Variants in NUP214 observed in about 807,000 individuals in gnomAD.
NUP214 encodes nuclear pore complex protein Nup214.
Under a neutral mutation model 196.2 loss-of-function variants are expected in NUP214, and 79 were observed. The ratio of observed to expected loss-of-function variants is 0.40; its 90% CI spans 0.34 to 0.49. The LOEUF (loss-of-function observed/expected upper bound fraction) is 0.49. Ranked by LOEUF, NUP214 falls within the 20% of genes least tolerant of loss-of-function variation. NUP214 has a pLI of 0.58. For missense variants in NUP214, 2,468 were observed against 2,539.0 expected, an observed-to-expected ratio of 0.97 and a Z score of 0.60; for synonymous variants, 1,020 against 990.5, an observed-to-expected ratio of 1.03 and a Z score of -0.56.
intron 31 of NUP214, among the ~76,000 whole-genome samples, chr9:131,219,361 A>G (rs185111220): frequency 9.8e-5 from 15 of 152,310 alleles, no homozygotes; most frequent in Admixed American, 9.8e-4. Flanking sequence ...ATGCATGGAA[A>G]AGACCCCATT....
chr9:131,180,716 C>T (rs1296733777), intron 24 of NUP214, among the ~76,000 whole-genome samples: 1 of 152,174 alleles, frequency 6.6e-6, no homozygotes, highest in African/African-American at 2.4e-5. Context: ...ACAGCGTCTG[C>T]TGTGAGCATG....
intron 22 of NUP214, among the ~76,000 whole-genome samples, chr9:131,174,901 T>C (rs1379212243): frequency 6.6e-6 from 1 of 152,260 alleles, no homozygotes; most frequent in Non-Finnish European, 1.5e-5. Flanking sequence ...CTGAGCCAGC[T>C]TGTTTTTTAA....
rs1371123306 is a variant in NUP214 at position 131,136,134 on chromosome 9, A to G, written c.1005+128A>G. The stretch of plus-strand genomic sequence containing the variant: ...CAGCTTACTGCAACCTCTGCCTTCC[A>G]AGTTCAAGCAATTTTGTGCCTCAGC... On this transcript the variant is annotated intron_variant, in intron 9 of 35. Transcript: ENST00000359428. 4 of 701,312 alleles carry G rather than the reference A, an allele frequency of 5.7e-6. No individual in the cohort carries two copies. The East Asian group carries it at 8.5e-5, about 15-fold the overall frequency. 43.4% of individuals were successfully genotyped at this position (701,312 alleles called of 1,614,324 possible).
intron 17 of NUP214, among the ~76,000 whole-genome samples, chr9:131,156,443 G>C (rs1158806009): frequency 1.3e-5 from 2 of 152,076 alleles, no homozygotes; most frequent in East Asian, 3.9e-4. Context: ...AGCATGGGAT[G>C]TATTTCTATT....
At chr9:131,219,339 T>C (rs1377313683) in intron 31 of NUP214, among the ~76,000 whole-genome samples, 1 of 152,256 alleles carries the variant, frequency 6.6e-6, no homozygotes, top group Non-Finnish European at 1.5e-5. Context: ...TACGCCTTTT[T>C]GGGCAACATT....
At position 131,125,693 on chromosome 9, in the gene NUP214, G is replaced by A; in HGVS notation, c.-12G>A. On this transcript the variant is annotated 5_prime_UTR_variant, in exon 1 of 36. Coordinates refer to ENST00000359428, the MANE Select transcript of NUP214 (RefSeq NM_005085.4). The surrounding 1 kb of genome is among the most constrained non-coding windows in gnomAD (Gnocchi z 4.1). ...GCAGCGTTGGCTGCTTCGACACACT[G>A]AGGGCGGCGCGATGGGAGACGAGAT... The A allele has an allele frequency of 1.3e-6, 2 of 1,551,400 alleles. No individual in the cohort carries two copies. The highest frequency in any genetic ancestry group is 2.5e-5 in the East Asian group (1 of 40,754).
chr9:131,175,324 G>C (rs528682627), intron 22 of NUP214, 136 bp from the exon 23 acceptor site: 4 of 1,009,962 alleles, frequency 4.0e-6, no homozygotes, highest in Non-Finnish European at 5.8e-6. Context: ...CAGCCTGTTA[G>C]TTTACTGGTA....
At chr9:131,209,058 A>G (rs1275010719) in intron 30 of NUP214, among the ~76,000 whole-genome samples, 1 of 152,008 alleles carries the variant, frequency 6.6e-6, no homozygotes, top group Non-Finnish European at 1.5e-5. Flanking sequence ...TTCATGCTAC[A>G]TATAGATAAA....
intron 29 of NUP214, among the ~76,000 whole-genome samples, chr9:131,200,746 C>T (rs970452911): frequency 1.3e-5 from 2 of 151,922 alleles, no homozygotes; most frequent in South Asian, 2.1e-4. Flanking sequence ...AGAACTCCTG[C>T]CTTCTCACTC....
At chr9:131,223,830 G>A (rs1834649677) in intron 32 of NUP214, among the ~76,000 whole-genome samples, 1 of 145,002 alleles carries the variant, frequency 6.9e-6, no homozygotes, top group African/African-American at 2.6e-5. Flanking sequence ...TGCCTCCTGG[G>A]TTCACGCCAT....
intron 34 of NUP214, 86 bp downstream of exon 34, chr9:131,230,855 C>G (rs1403136370): frequency 1.4e-6 from 2 of 1,452,742 alleles, no homozygotes; most frequent in Non-Finnish European, 1.9e-6. Flanking sequence ...TTTACCTGAC[C>G]AGTCTGTTTA....
intron 17 of NUP214, among the ~76,000 whole-genome samples, chr9:131,153,672 A>G (rs1170720651): frequency 6.6e-6 from 1 of 152,212 alleles, no homozygotes; most frequent in South Asian, 2.1e-4. Context: ...ACTAGTTAGC[A>G]TGTATTGAGT....
Position 131,197,451 on chromosome 9 carries a change from G to A in NUP214, c.3957G>A (p.Glu1319=). ...AAACCCCACCGTCCAAGCTGGGAGA[G>A]CTTCTGTTTCCAAGTTCTTTGGCTG... The part of the protein sequence containing the change: ...KLETPPSKLG[E]LLFPSSLAGE... Residue 1319 remains glutamate, a synonymous_variant, in exon 29 of 36, where the codon GAG becomes GAA. Coordinates refer to ENST00000359428, the MANE Select transcript of NUP214 (RefSeq NM_005085.4). The A allele has an allele frequency of 6.2e-7, 1 of 1,614,186 alleles. No homozygotes were observed. Among genetic ancestry groups the A allele is most frequent in the Non-Finnish European group, 8.5e-7 (1 of 1,180,030 alleles).
chr9:131,165,971 T>C (rs1044123097), intron 21 of NUP214, among the ~76,000 whole-genome samples: 7 of 151,332 alleles, frequency 4.6e-5, no homozygotes, highest in African/African-American at 1.7e-4. Context: ...TCATGGGGAG[T>C]TATTATTTAA....
At chr9:131,181,514 T>C (rs1833277673) in intron 24 of NUP214, among the ~76,000 whole-genome samples, 1 of 152,244 alleles carries the variant, frequency 6.6e-6, no homozygotes, top group Non-Finnish European at 1.5e-5. Flanking sequence ...TTTTTGGTTA[T>C]AGTCATCCTA....
At chr9:131,167,792 A>G (rs144420728) in intron 21 of NUP214, among the ~76,000 whole-genome samples, 70 of 152,282 alleles carry the variant, frequency 4.6e-4, no homozygotes, top group East Asian at 1.7e-3. Flanking sequence ...GTTTTTATCA[A>G]TTCTGGAGAC....
At position 131,197,904 on chromosome 9, in the gene NUP214, A is replaced by C. The variant is rs541069703; in HGVS notation, c.4410A>C (p.Thr1470=). The change falls in exon 29 of 36, where the codon ACA becomes ACC. Residue 1470 remains threonine, a synonymous_variant. Coordinates refer to ENST00000359428, the MANE Select transcript of NUP214 (RefSeq NM_005085.4). Reference sequence around the variant, plus strand: ...CTCCCCTTCCAACATCATTCCCCACATTGTCATTTGGTAGCCTCCTGAGTT... The same window carrying C: ...CTCCCCTTCCAACATCATTCCCCACCTTGTCATTTGGTAGCCTCCTGAGTT... ...AATPLPTSFP[T]LSFGSLLSSA... 1 of 1,613,650 alleles carries C rather than the reference A, an allele frequency of 6.2e-7. No homozygotes were observed. The highest frequency in any genetic ancestry group is 1.3e-5 in the African/African-American group (1 of 74,896).
intron 32 of NUP214, among the ~76,000 whole-genome samples, chr9:131,224,135 A>T (rs1418133739): frequency 6.6e-6 from 1 of 152,200 alleles, no homozygotes. Context: ...CATGTAACCA[A>T]GGAAAAGGAA....
At chr9:131,151,594 A>ATG in intron 16 of NUP214, 142 bp from the exon 17 acceptor site, 1 of 582,848 alleles carries the variant, frequency 1.7e-6, no homozygotes, top group Non-Finnish European at 3.0e-6. Context: ...AAACAGTTAA[A>ATG]TTCTTTTTTT....
Sources: allele counts gnomAD v4.1 joint callset (sites outside exome capture counted in the v4.1 genomes callset), GRCh38; gene constraint gnomAD v4.1.1; non-coding constraint Gnocchi (gnomAD v3.1); transcripts MANE v1.5; gene names NCBI Gene and HGNC (gene_info 2026-07-23, HGNC 2026-07-21).